Variants in INPP4A observed in about 807,000 individuals in gnomAD.
INPP4A encodes the protein inositol polyphosphate-4-phosphatase, type I, 107kD.
Under a neutral mutation model 119.8 loss-of-function variants are expected in INPP4A, and 33 were observed. The observed-to-expected ratio is 0.28, with a 90% confidence interval of 0.21 to 0.37. INPP4A has a LOEUF of 0.37. Ranked by LOEUF, INPP4A falls within the 10% of genes least tolerant of loss-of-function variation. The pLI is 1.00. For missense variants in INPP4A, 956 were observed against 1,289.9 expected (o/e 0.74, Z 3.97); for synonymous variants, 496 against 500.7 (o/e 0.99, Z 0.12).
intron 19 of INPP4A, among the ~76,000 whole-genome samples, 163 bp from the exon 20 acceptor site, chr2:98,565,474 CAGA>C (rs1303854318): frequency 6.6e-6 from 1 of 152,182 alleles, no homozygotes; most frequent in Non-Finnish European, 1.5e-5. Flanking sequence ...TGTTGACTCA[CAGA>C]GGAGTGAGTT....
chr2:98,581,619 C>T, intron 24 of INPP4A: 1 of 1,568,280 alleles, frequency 6.4e-7, no homozygotes, highest in Non-Finnish European at 8.7e-7. Flanking sequence ...CTTGAGCGGC[C>T]TGGTGCCCAT....
chr2:98,520,096 A>G lies in INPP4A; in HGVS notation c.48A>G (p.Ala16=). 6.3e-7 allele frequency: 1 copy of G among 1,579,594 alleles called. No homozygotes were observed. The highest frequency in any genetic ancestry group is 8.6e-7 in the Non-Finnish European group (1 of 1,161,400). ...HSPRHGARAR[A]MQRASTIDVA... ...CTCGCCATGGTGCCAGGGCCCGTGC[A>G]ATGCAGCGGGCTTCCACCATCGACG... Residue 16 remains alanine, a synonymous_variant, in exon 3 of 25, where the codon GCA becomes GCG. Transcript: ENST00000409851.
chr2:98,455,598 TC>T (rs796356155), intron 1 of INPP4A, among the ~76,000 whole-genome samples: 5 of 152,150 alleles, frequency 3.3e-5, no homozygotes, highest in African/African-American at 1.2e-4. Flanking sequence ...CCTTTGTTCC[TC>T]CCCCGTCGAA....
At chr2:98,544,309 G>C (rs1028503852) in intron 11 of INPP4A, among the ~76,000 whole-genome samples, 3 of 152,202 alleles carry the variant, frequency 2.0e-5, no homozygotes, top group Non-Finnish European at 4.4e-5. Context: ...AAATTTAGGG[G>C]AGGCGAAATC....
At chr2:98,514,625 C>T (rs1459153640) in intron 1 of INPP4A, among the ~76,000 whole-genome samples, 2 of 151,836 alleles carry the variant, frequency 1.3e-5, no homozygotes, top group Non-Finnish European at 2.9e-5. Flanking sequence ...CATTAAAGAC[C>T]CAAAAGGAGG....
intron 1 of INPP4A, among the ~76,000 whole-genome samples, chr2:98,459,980 C>A (rs1050797417): frequency 6.6e-6 from 1 of 152,276 alleles, no homozygotes; most frequent in South Asian, 2.1e-4. Context: ...AAGGCAGAAG[C>A]CTGTTCTCAG....
At chr2:98,463,192 C>A (rs1042661480) in intron 1 of INPP4A, among the ~76,000 whole-genome samples, 5 of 152,226 alleles carry the variant, frequency 3.3e-5, no homozygotes, top group Non-Finnish European at 7.3e-5. Flanking sequence ...CTTGTCAAAG[C>A]TGCTTTTGAC....
At chr2:98,526,843 GA>G (rs1688263989) in intron 4 of INPP4A, among the ~76,000 whole-genome samples, 1 of 152,166 alleles carries the variant, frequency 6.6e-6, no homozygotes, top group Middle Eastern at 3.2e-3. Flanking sequence ...CATCTTACAT[GA>G]TGAGAGAAGG....
At chr2:98,498,627 A>T (rs961018031) in intron 1 of INPP4A, among the ~76,000 whole-genome samples, 1 of 152,130 alleles carries the variant, frequency 6.6e-6, no homozygotes, top group Non-Finnish European at 1.5e-5. Flanking sequence ...CAATCCATAA[A>T]GCACTGTGTT....
chr2:98,580,432 A>AT (rs932518670), intron 24 of INPP4A, among the ~76,000 whole-genome samples: 69 of 152,218 alleles, frequency 4.5e-4, no homozygotes, highest in Admixed American at 5.2e-4. Context: ...TCAAGCTCCC[A>AT]TGTGGCACCA....
chr2:98,506,394 C>G (rs921730315), intron 1 of INPP4A, among the ~76,000 whole-genome samples: 9 of 152,236 alleles, frequency 5.9e-5, no homozygotes, highest in African/African-American at 2.2e-4. Context: ...TCCCAGGCAT[C>G]AAACTAGAAT....
intron 18 of INPP4A, 99 bp from the exon 19 acceptor site, chr2:98,564,541 G>A: frequency 7.0e-7 from 1 of 1,434,446 alleles, no homozygotes; most frequent in Non-Finnish European, 9.6e-7. Flanking sequence ...TTGAGCAGTG[G>A]CAGCAGAGGA....
chr2:98,562,672 G>A lies in INPP4A; in HGVS notation c.1856-793G>A, dbSNP rs566482776. 5.3e-5 allele frequency among the ~76,000 whole-genome samples: 8 copies of A among 152,326 alleles called. No individual in the cohort carries two copies. In the South Asian group the frequency reaches 8.3e-4, roughly 16 times the overall value. ...TGTTACAAATATAACCTTAATGAGAGCCTGTCTTCTCTTTTAAATGTCTTC... is the reference window on the plus strand; with the variant it reads ...TGTTACAAATATAACCTTAATGAGAACCTGTCTTCTCTTTTAAATGTCTTC... On this transcript the variant is annotated intron_variant, in intron 17 of 24. Transcript: ENST00000409851.
At chr2:98,578,590 G>A (rs375016665) in intron 24 of INPP4A, among the ~76,000 whole-genome samples, 4 of 152,232 alleles carry the variant, frequency 2.6e-5, no homozygotes, top group Non-Finnish European at 4.4e-5. Flanking sequence ...GCCACAGTGC[G>A]ATGGCAGGCC....
intron 7 of INPP4A, among the ~76,000 whole-genome samples, chr2:98,536,858 C>G: frequency 6.6e-6 from 1 of 152,188 alleles, no homozygotes; most frequent in East Asian, 1.9e-4. Flanking sequence ...TAAGTAAAGA[C>G]AGTATTGCAG....
chr2:98,544,464 A>G (rs144447290), intron 11 of INPP4A, among the ~76,000 whole-genome samples: 56 of 152,350 alleles, frequency 3.7e-4, no homozygotes, highest in African/African-American at 1.2e-3. Context: ...GGTAACTTCT[A>G]TTAAACATAT....
intron 10 of INPP4A, 122 bp downstream of exon 10, chr2:98,539,797 C>T: frequency 2.1e-6 from 2 of 965,826 alleles, no homozygotes; most frequent in Middle Eastern, 2.7e-4. Context: ...AGCCTCTCCC[C>T]CTGCAGCTCT....
chr2:98,535,467 C>G (rs1690056310), intron 5 of INPP4A, among the ~76,000 whole-genome samples: 1 of 152,148 alleles, frequency 6.6e-6, no homozygotes, highest in Non-Finnish European at 1.5e-5. Context: ...GAAATGAGTC[C>G]TCAGGCACAG....
intron 1 of INPP4A, among the ~76,000 whole-genome samples, chr2:98,448,399 A>T (rs1694632592): frequency 6.6e-6 from 1 of 151,806 alleles, no homozygotes; most frequent in East Asian, 1.9e-4. Flanking sequence ...TTGATATAAC[A>T]CTATTTAGTG....
Sources: gnomAD v4.1 joint callset for allele counts (sites outside exome capture counted in the v4.1 genomes callset) on GRCh38, gnomAD v4.1.1 for gene constraint, MANE v1.5 for transcripts, NCBI Gene and HGNC (gene_info 2026-07-23, HGNC 2026-07-21) for gene names.